The following CMC2 variants were observed in gnomAD, a reference collection of about 807,000 sequenced individuals.
The protein encoded by CMC2 is C-X9-C motif containing 2.
CMC2 carries 5 observed loss-of-function variants against 7.5 expected under a neutral mutation model. The ratio of observed to expected loss-of-function variants is 0.66; its 90% CI spans 0.35 to 1.40. The LOEUF is 1.40. CMC2 is among the 40% of genes most tolerant of loss of function. The probability of loss-of-function intolerance (pLI) is 0.04; values close to 1 mark genes in which losing one functional copy is unlikely to be tolerated. For synonymous variants in CMC2, 37 were observed against 31.4 expected (o/e 1.18, Z -0.60); for missense variants, 115 against 92.3 (o/e 1.25, Z -1.01).
chr16:80,992,900 C>G (rs1053459375), intron 2 of CMC2, among the ~76,000 whole-genome samples: 7 of 152,080 alleles, frequency 4.6e-5, no homozygotes, highest in African/African-American at 1.4e-4. Flanking sequence ...CTATGTTGCC[C>G]AAGCTGGTCT....
rs555611878 is a variant in CMC2 at position 80,981,819 on chromosome 16, C to T, written c.140G>A (p.Cys47Tyr). Residue 47 changes from cysteine to tyrosine, a missense_variant, in exon 3 of 4, where the codon TGC becomes TAC. Transcript: ENST00000219400. ...CNDVDRELRK[C>Y]LKNEYVENRT... ...CACTTTTCTTACCTCATTCTTCAGGCATTTTCTCAACTCCCGATCAACATC... is the reference window on the plus strand; with the variant it reads ...CACTTTTCTTACCTCATTCTTCAGGTATTTTCTCAACTCCCGATCAACATC... 2.0e-5 allele frequency: 32 copies of T among 1,607,496 alleles called. No individual in the cohort carries two copies. The South Asian group carries it at 3.3e-4, about 17-fold the overall frequency.
chr16:80,988,486 G>C (rs1004647749), intron 2 of CMC2: 9 of 689,004 alleles, frequency 1.3e-5, no homozygotes, highest in Non-Finnish European at 2.1e-5. Context: ...ACAGTACAAA[G>C]AATTTCCAAA....
chr16:80,968,950 T>C lies in CMC2; in HGVS notation c.*7143A>G, dbSNP rs943415597. On this transcript the variant is annotated 3_prime_UTR_variant, in exon 4 of 4. Coordinates refer to ENST00000219400, the MANE Select transcript of CMC2 (RefSeq NM_020188.5). The stretch of plus-strand genomic sequence containing the variant: ...AAGAATATCACATAAAGCCAGGAGA[T>C]GGTAATCCTCTAAGAAAACATTAAC... The C allele has an allele frequency of 3.9e-5, 6 of 152,218 alleles. No homozygotes were observed. The South Asian group carries it at 6.2e-4, about 16-fold the overall frequency. The allele number at this position is 152,218 out of a possible 1,614,324, so 9.4% of individuals were successfully genotyped here. A position where few individuals can be genotyped will look rare whatever the true frequency, so the allele number is the denominator to read the frequency against.
intron 2 of CMC2, among the ~76,000 whole-genome samples, chr16:80,993,192 C>A (rs559103912): frequency 9.2e-5 from 14 of 152,232 alleles, no homozygotes; most frequent in Non-Finnish European, 1.6e-4. Flanking sequence ...CATGAAAGAA[C>A]AAACTGAATA....
intron 3 of CMC2, among the ~76,000 whole-genome samples, chr16:80,977,526 G>A (rs1054276791): frequency 6.6e-6 from 1 of 152,132 alleles, no homozygotes; most frequent in Non-Finnish European, 1.5e-5. Flanking sequence ...CCACAGATCT[G>A]GAGAGCGAGG....
intron 2 of CMC2, among the ~76,000 whole-genome samples, chr16:80,996,356 A>C (rs1357136144): frequency 6.6e-6 from 1 of 152,218 alleles, no homozygotes; most frequent in Admixed American, 6.5e-5. Context: ...ACAAATTGAA[A>C]TATTCTACTT....
At chr16:80,987,702 T>C (rs1216570914) in intron 2 of CMC2, among the ~76,000 whole-genome samples, 1 of 152,078 alleles carries the variant, frequency 6.6e-6, no homozygotes, top group Non-Finnish European at 1.5e-5. Flanking sequence ...CACAGCAAGG[T>C]AGGCTATTTG....
intron 2 of CMC2, among the ~76,000 whole-genome samples, chr16:80,992,999 C>T (rs1020009577): frequency 1.3e-5 from 2 of 152,158 alleles, no homozygotes; most frequent in African/African-American, 4.8e-5. Context: ...ACTTTCCCCA[C>T]ACCTAGGTTA....
rs976423231 is a variant in CMC2, at chr16:80,966,871, A to G, written c.*9222T>C. 3 of 149,684 alleles carry G rather than the reference A, an allele frequency of 2.0e-5. No homozygotes were observed. Among genetic ancestry groups the G allele is most frequent in the Non-Finnish European group, 4.4e-5 (3 of 67,782 alleles). The allele number at this position is 149,684 out of a possible 1,614,324, so 9.3% of individuals were successfully genotyped here. A position where few individuals can be genotyped will look rare whatever the true frequency, so the allele number is the denominator to read the frequency against. On this transcript the variant is annotated 3_prime_UTR_variant, in exon 4 of 4. Transcript: ENST00000219400. ...ATTCCTTTGTATAGATTCATGGTAT[A>G]CCTTTGTGTAAATGCATCATTGTTT...
intron 3 of CMC2, among the ~76,000 whole-genome samples, chr16:80,977,041 T>C (rs1912467702): frequency 6.6e-6 from 1 of 152,278 alleles, no homozygotes; most frequent in South Asian, 2.1e-4. Context: ...TTAGACCAGC[T>C]CACATTGTAT....
intron 2 of CMC2, among the ~76,000 whole-genome samples, chr16:80,986,877 G>T (rs1009762951): frequency 6.6e-6 from 1 of 152,260 alleles, no homozygotes; most frequent in African/African-American, 2.4e-5. Context: ...CTGAGCCAGA[G>T]ATACAGATTT....
At chr16:80,985,901 C>CAAAAAAAAAAAAAAA (rs57915291) in intron 2 of CMC2, among the ~76,000 whole-genome samples, 1 of 104,990 alleles carries the variant, frequency 9.5e-6, no homozygotes, top group East Asian at 3.1e-4. Context: ...CATATACCTG[C>CAAAAAAAAAAAAAAA]AAAAAAAAAA....
chr16:81,001,494 T>C (rs547969378), intron 1 of CMC2, among the ~76,000 whole-genome samples: 2 of 152,318 alleles, frequency 1.3e-5, no homozygotes, highest in African/African-American at 4.8e-5. Flanking sequence ...GGGGAGTTAC[T>C]GTTTAACAAG....
intron 3 of CMC2, chr16:80,978,222 G>A (rs944871112): frequency 1.8e-5 from 19 of 1,029,878 alleles, no homozygotes; most frequent in Non-Finnish European, 2.1e-5. Context: ...CCTGCTCTGA[G>A]AAAAAGCTTT....
rs371054718 is a variant in CMC2 at position 80,966,836 on chromosome 16, C to T, written c.*9257G>A. The stretch of plus-strand genomic sequence containing the variant: ...CCATATAGTCATACATACAGACACA[C>T]GAAATCTTCATTCCTTTGTATAGAT... On this transcript the variant is annotated 3_prime_UTR_variant, in exon 4 of 4. Coordinates refer to ENST00000219400, the MANE Select transcript of CMC2 (RefSeq NM_020188.5). The T allele has an allele frequency of 7.9e-5, 12 of 152,112 alleles. No homozygotes were observed. The East Asian group carries it at 9.6e-4, about 12-fold the overall frequency. 9.4% of individuals were successfully genotyped at this position (152,112 alleles called of 1,614,324 possible).
intron 2 of CMC2, among the ~76,000 whole-genome samples, chr16:80,986,096 C>A (rs1967508770): frequency 6.6e-6 from 1 of 152,092 alleles, no homozygotes; most frequent in Non-Finnish European, 1.5e-5. Context: ...GCCTGTAATT[C>A]CAGCACTTTG....
chr16:80,981,682 A>G (rs111255338), intron 3 of CMC2, 124 bp downstream of exon 3: 1 of 606,664 alleles, frequency 1.6e-6, no homozygotes, highest in South Asian at 2.5e-5. Flanking sequence ...AAGTTCATAC[A>G]TGTAAAGTCA....
chr16:80,976,261 G>A, intron 3 of CMC2, 82 bp from the exon 4 acceptor site: 1 of 719,208 alleles, frequency 1.4e-6, no homozygotes, highest in Non-Finnish European at 2.3e-6. Flanking sequence ...AGAAATATTT[G>A]CAAAATATAA....
At chr16:81,004,701 G>A (rs1193417054) in intron 1 of CMC2, among the ~76,000 whole-genome samples, 1 of 152,134 alleles carries the variant, frequency 6.6e-6, no homozygotes, top group Non-Finnish European at 1.5e-5. Flanking sequence ...GAAGCGGTAG[G>A]GTACTCTTAG....
Sources: gnomAD v4.1 joint callset for allele counts (sites outside exome capture counted in the v4.1 genomes callset) on GRCh38, gnomAD v4.1.1 for gene constraint, MANE v1.5 for transcripts, NCBI Gene and HGNC (gene_info 2026-07-23, HGNC 2026-07-21) for gene names.